The following PDE4B variants were observed in gnomAD, a reference collection of about 807,000 sequenced individuals.
PDE4B encodes the protein 3',5'-cyclic-AMP phosphodiesterase 4B.
PDE4B carries 20 observed loss-of-function variants against 82.2 expected under a neutral mutation model. That is an observed-to-expected ratio of 0.24 (90% CI 0.17 to 0.35). PDE4B has a LOEUF of 0.35. Among genes scored for constraint, PDE4B ranks in the 10% least tolerant of loss-of-function variants. The probability of loss-of-function intolerance (pLI) is 1.00; values close to 1 mark genes in which losing one functional copy is unlikely to be tolerated. For synonymous variants in PDE4B, 320 were observed against 318.9 expected (o/e 1.00, Z -0.04); for missense variants, 655 against 907.2 (o/e 0.72, Z 3.57).
At chr1:65,931,550 A>G (rs1281961628) in intron 3 of PDE4B, among the ~76,000 whole-genome samples, 1 of 152,230 alleles carries the variant, frequency 6.6e-6, no homozygotes, top group East Asian at 1.9e-4. Flanking sequence ...CTGGCAATAG[A>G]CAATTGAAAT....
At chr1:66,351,697 A>G (rs1661828892) in intron 8 of PDE4B, among the ~76,000 whole-genome samples, 1 of 152,188 alleles carries the variant, frequency 6.6e-6, no homozygotes, top group Admixed American at 6.5e-5. Context: ...CATTTTACAC[A>G]TGAGAGGTGA....
At chr1:66,039,969 C>T (rs114284920) in intron 3 of PDE4B, among the ~76,000 whole-genome samples, 52 of 152,056 alleles carry the variant, frequency 3.4e-4, no homozygotes, top group African/African-American at 1.2e-3. Context: ...TCAGATTCTG[C>T]CCCTTTAGGA....
intron 3 of PDE4B, among the ~76,000 whole-genome samples, chr1:66,212,260 T>C (rs1185536025): frequency 6.6e-6 from 1 of 152,206 alleles, no homozygotes; most frequent in Non-Finnish European, 1.5e-5. Context: ...CTTTCTCTCA[T>C]AACCTAAGTA....
intron 1 of PDE4B, among the ~76,000 whole-genome samples, chr1:65,907,665 G>A (rs1002259046): frequency 2.0e-5 from 3 of 152,220 alleles, no homozygotes; most frequent in East Asian, 1.9e-4. Flanking sequence ...GTTCTTAGAC[G>A]TTTATACTTT....
intron 8 of PDE4B, among the ~76,000 whole-genome samples, chr1:66,351,966 T>C (rs1661853799): frequency 1.3e-5 from 2 of 152,164 alleles, no homozygotes; most frequent in African/African-American, 4.8e-5. Flanking sequence ...ATGTAAAAGA[T>C]ACCCTTCCAC....
intron 1 of PDE4B, among the ~76,000 whole-genome samples, chr1:65,897,824 A>C (rs1172991724): frequency 6.6e-6 from 1 of 152,068 alleles, no homozygotes; most frequent in African/African-American, 2.4e-5. Context: ...TGGGAGAATG[A>C]TTTATTTTCC....
chr1:65,796,461 G>C (rs957014474), intron 1 of PDE4B, among the ~76,000 whole-genome samples: 2 of 151,578 alleles, frequency 1.3e-5, no homozygotes, highest in Non-Finnish European at 2.9e-5. Flanking sequence ...TCATTGGTCT[G>C]TTTTCAAGTT....
intron 9 of PDE4B, among the ~76,000 whole-genome samples, chr1:66,356,440 T>C (rs1662250029): frequency 6.6e-6 from 1 of 152,262 alleles, no homozygotes; most frequent in Non-Finnish European, 1.5e-5. Context: ...TGCAAATCTG[T>C]ACATCAAAGT....
At chr1:66,367,659 C>A in intron 13 of PDE4B, 37 bp from the exon 14 acceptor site, 1 of 1,542,138 alleles carries the variant, frequency 6.5e-7, no homozygotes. Flanking sequence ...AATCATATCC[C>A]TTTTTAATTA....
chr1:66,371,150 G>A (rs911213313), intron 16 of PDE4B, among the ~76,000 whole-genome samples: 3 of 121,902 alleles, frequency 2.5e-5, no homozygotes, highest in African/African-American at 8.9e-5. Flanking sequence ...ATTTATGAAA[G>A]AATCACATAT....
intron 8 of PDE4B, among the ~76,000 whole-genome samples, chr1:66,354,080 C>CGCTTGG (rs1295275998): frequency 1.3e-5 from 2 of 152,192 alleles, no homozygotes; most frequent in Non-Finnish European, 1.5e-5. Context: ...CACTGGCACA[C>CGCTTGG]GCTTGGTGTG....
intron 1 of PDE4B, among the ~76,000 whole-genome samples, chr1:65,797,270 A>C (rs528142639): frequency 1.3e-5 from 2 of 152,260 alleles, no homozygotes; most frequent in African/African-American, 4.8e-5. Context: ...TTTAGAATAA[A>C]TGCTTTGTAA....
chr1:66,253,947 C>G (rs1653989669), intron 4 of PDE4B, among the ~76,000 whole-genome samples: 1 of 152,168 alleles, frequency 6.6e-6, no homozygotes, highest in Non-Finnish European at 1.5e-5. Flanking sequence ...ACATTATGCC[C>G]TATTAATGTT....
chr1:65,841,216 T>C (rs952874096), intron 1 of PDE4B, among the ~76,000 whole-genome samples: 1 of 152,060 alleles, frequency 6.6e-6, no homozygotes, highest in Non-Finnish European at 1.5e-5. Context: ...GAGACTTGCT[T>C]TAACCCAGGA....
intron 3 of PDE4B, chr1:65,993,272 A>G (rs1255688266): frequency 9.2e-6 from 6 of 649,742 alleles, no homozygotes; most frequent in Non-Finnish European, 1.6e-5. Context: ...AAATGAATGG[A>G]GACCAGGTCA....
intron 1 of PDE4B, among the ~76,000 whole-genome samples, chr1:65,808,375 G>C (rs890777227): frequency 2.6e-5 from 4 of 152,050 alleles, no homozygotes; most frequent in African/African-American, 9.7e-5. Context: ...TTGCTACGTT[G>C]CCCAGGCTGG....
At chr1:65,966,967 A>G (rs551964984) in intron 3 of PDE4B, among the ~76,000 whole-genome samples, 77 of 152,216 alleles carry the variant, frequency 5.1e-4, no homozygotes, top group Non-Finnish European at 9.3e-4. Flanking sequence ...CATTCAGGAC[A>G]TAGGCATGGG....
intron 1 of PDE4B, among the ~76,000 whole-genome samples, chr1:65,871,925 C>CT (rs997165136): frequency 1.3e-5 from 2 of 151,912 alleles, no homozygotes; most frequent in African/African-American, 4.8e-5. Flanking sequence ...ATATGGAGTG[C>CT]TTTTTTTGAT....
chr1:65,994,532 A>G (rs1176477558), intron 3 of PDE4B, among the ~76,000 whole-genome samples: 1 of 152,112 alleles, frequency 6.6e-6, no homozygotes, highest in Non-Finnish European at 1.5e-5. Flanking sequence ...AGGTTTATGT[A>G]TAAGGATGTA....
Sources: gnomAD v4.1 joint callset for allele counts (sites outside exome capture counted in the v4.1 genomes callset) on GRCh38, gnomAD v4.1.1 for gene constraint, MANE v1.5 for transcripts, NCBI Gene and HGNC (gene_info 2026-07-23, HGNC 2026-07-21) for gene names.